SH3RF2: variants seen among roughly 807,000 people sequenced by gnomAD.
The protein encoded by SH3RF2 is SH3 domain containing ring finger 2.
In SH3RF2, 43 loss-of-function variants were observed where a neutral mutation model predicts 59.0. The ratio of observed to expected loss-of-function variants is 0.73; its 90% confidence interval spans 0.57 to 0.94. The LOEUF (loss-of-function observed/expected upper bound fraction) is 0.94, where lower values mean the gene tolerates loss of function less well. Ranked by LOEUF, SH3RF2 falls within the 40% of genes least tolerant of loss-of-function variation. The pLI, the probability that SH3RF2 is intolerant of heterozygous loss-of-function variation, is 0.00. For missense variants in SH3RF2, 930 were observed against 940.1 expected (o/e 0.99, Z 0.14); for synonymous variants, 391 against 391.5 (o/e 1.00, Z 0.01).
At chr5:146,059,045 A>G (rs952762306) in intron 8 of SH3RF2, among the ~76,000 whole-genome samples, 1 of 152,202 alleles carries the variant, frequency 6.6e-6, no homozygotes, top group African/African-American at 2.4e-5. Context: ...CACACCAAAT[A>G]GAATGCAATC....
At chr5:146,021,153 AT>A (rs140222124) in intron 5 of SH3RF2, among the ~76,000 whole-genome samples, 3,597 of 151,628 alleles carry the variant, frequency 0.024, 164 homozygotes, top group African/African-American at 0.084. Flanking sequence ...ACTAATATAT[AT>A]ATTTTTTCCT....
At chr5:145,971,866 GTGATAATGA>G (rs2149962334) in intron 2 of SH3RF2, among the ~76,000 whole-genome samples, 1 of 146,530 alleles carries the variant, frequency 6.8e-6, no homozygotes, top group African/African-American at 2.7e-5. Context: ...AGAAATAATA[GTGATAATGA>G]TGATGATGAT....
Position 146,062,145 on chromosome 5 carries a change from C to T in SH3RF2, c.1915-281C>T, listed in dbSNP as rs553104438. On this transcript the variant is annotated intron_variant, in intron 9 of 9. Coordinates refer to ENST00000359120, the MANE Select transcript of SH3RF2 (RefSeq NM_152550.4). Reference sequence around the variant, plus strand: ...TGCCTCAGGCTGTTTTTATAGGCGGCGGCCTACCCTATTTCTCCCAGATAA... The same window carrying T: ...TGCCTCAGGCTGTTTTTATAGGCGGTGGCCTACCCTATTTCTCCCAGATAA... Among the ~76,000 whole-genome samples the T allele has an allele frequency of 1.1e-4, 17 of 152,216 alleles. 1 individual carries two copies. The South Asian group carries it at 2.5e-3, about 22-fold the overall frequency.
intron 2 of SH3RF2, among the ~76,000 whole-genome samples, chr5:145,962,572 T>TC (rs1481049179): frequency 6.6e-6 from 1 of 152,172 alleles, no homozygotes; most frequent in African/African-American, 2.4e-5. Context: ...TCTGATTCTG[T>TC]CCCCCTCTTC....
At chr5:146,059,498 A>C in intron 8 of SH3RF2, among the ~76,000 whole-genome samples, 1 of 149,818 alleles carries the variant, frequency 6.7e-6, no homozygotes, top group African/African-American at 2.5e-5. Flanking sequence ...TGTGTTTCCT[A>C]TTTGGTCTGA....
Position 146,049,230 on chromosome 5 carries a change from T to C in SH3RF2, c.1307T>C (p.Val436Ala). 1.2e-6 allele frequency: 2 copies of C among 1,610,598 alleles called. No homozygotes were observed. The highest frequency in any genetic ancestry group is 1.7e-6 in the Non-Finnish European group (2 of 1,177,862). Residue 436 changes from valine (V) to alanine (A), a missense_variant, in exon 7 of 10, where the codon GTC (valine) becomes GCC (alanine). Physicochemically the swap from Val to Ala is moderately conservative, Grantham distance 64. Coordinates refer to ENST00000359120, the MANE Select transcript of SH3RF2 (RefSeq NM_152550.4). ...GRVGIFPNNY[V>A]IPIFRKTSSF... ...GTCGGCATCTTCCCAAACAATTACG[T>C]CATCCCCATTTTCAGGTGTGTCGCC...
intron 9 of SH3RF2, among the ~76,000 whole-genome samples, chr5:146,061,678 A>G (rs1762899086): frequency 6.6e-6 from 1 of 152,176 alleles, no homozygotes; most frequent in Non-Finnish European, 1.5e-5. Flanking sequence ...CAGATATATA[A>G]CAGGCTAGGA....
At chr5:146,011,655 G>A (rs1485201767) in intron 4 of SH3RF2, among the ~76,000 whole-genome samples, 1 of 152,126 alleles carries the variant, frequency 6.6e-6, no homozygotes, top group Non-Finnish European at 1.5e-5. Flanking sequence ...GTGAATGGGA[G>A]TTCGCTCATG....
intron 5 of SH3RF2, among the ~76,000 whole-genome samples, chr5:146,028,152 A>G (rs1026338141): frequency 7.1e-6 from 1 of 141,156 alleles, no homozygotes; most frequent in Non-Finnish European, 1.5e-5. Flanking sequence ...TCCAAGGCCA[A>G]TGAGGCCTGC....
chr5:146,041,657 G>A (rs1276660239), intron 5 of SH3RF2, among the ~76,000 whole-genome samples: 3 of 152,180 alleles, frequency 2.0e-5, no homozygotes, highest in African/African-American at 4.8e-5. Context: ...CCTAGGCCAG[G>A]CGCAGTGGCT....
rs1283918792 is a variant in SH3RF2 at position 145,947,041 on chromosome 5, T to C, written c.378+8735T>C. 2.0e-5 allele frequency among the ~76,000 whole-genome samples: 3 copies of C among 152,128 alleles called. No individual in the cohort carries two copies. In the East Asian group the frequency reaches 5.8e-4, roughly 29 times the overall value. On this transcript the variant is annotated intron_variant, in intron 2 of 9. Transcript: ENST00000359120. ...AAGTGTTCAGTTCAGCAGCATTAAGTACATTGATCTTGTTATGCAAGTGTC... is the reference window on the plus strand; with the variant it reads ...AAGTGTTCAGTTCAGCAGCATTAAGCACATTGATCTTGTTATGCAAGTGTC...
chr5:146,019,999 C>T, intron 5 of SH3RF2, among the ~76,000 whole-genome samples: 1 of 152,046 alleles, frequency 6.6e-6, no homozygotes, highest in East Asian at 1.9e-4. Context: ...ATCTAGGAGT[C>T]TTTTGGAGGA....
At position 146,060,014 on chromosome 5, in the gene SH3RF2, G is replaced by A; in HGVS notation, c.1704G>A (p.Val568=). 1 of 1,604,458 alleles carries A rather than the reference G, an allele frequency of 6.2e-7. No homozygotes were observed. The highest frequency in any genetic ancestry group is 8.5e-7 in the Non-Finnish European group (1 of 1,174,818). Residue 568 remains valine (V), a synonymous_variant, in exon 9 of 10, where the codon GTG becomes GTA. Coordinates refer to ENST00000359120, the MANE Select transcript of SH3RF2 (RefSeq NM_152550.4). The part of the protein sequence containing the change: ...GIPSSPSAVV[V]EMGSKPALTG... ...CCTCCTCCCCCTCAGCCGTGGTGGTGGAGATGGGGTCCAAGCCTGCCCTCA... is the reference window on the plus strand; with the variant it reads ...CCTCCTCCCCCTCAGCCGTGGTGGTAGAGATGGGGTCCAAGCCTGCCCTCA...
intron 7 of SH3RF2, among the ~76,000 whole-genome samples, chr5:146,053,860 A>T (rs923051560): frequency 6.6e-6 from 1 of 152,174 alleles, no homozygotes; most frequent in Non-Finnish European, 1.5e-5. Flanking sequence ...AATTGTCAAG[A>T]TCCAACTGTT....
At chr5:145,956,877 TCAAA>T (rs1163026348) in intron 2 of SH3RF2, among the ~76,000 whole-genome samples, 2 of 152,218 alleles carry the variant, frequency 1.3e-5, no homozygotes, top group African/African-American at 4.8e-5. Flanking sequence ...ATATCTGCTC[TCAAA>T]CAAAAGATTG....
At chr5:145,986,785 T>G (rs1463082324) in intron 2 of SH3RF2, among the ~76,000 whole-genome samples, 1 of 152,118 alleles carries the variant, frequency 6.6e-6, no homozygotes. Context: ...CAAAGAAATC[T>G]CAGGGAAATG....
chr5:146,061,157 A>T (rs1196071801), intron 9 of SH3RF2, among the ~76,000 whole-genome samples: 3 of 152,202 alleles, frequency 2.0e-5, no homozygotes, highest in Non-Finnish European at 4.4e-5. Context: ...CATGTGTCCC[A>T]TATATTTAAT....
chr5:146,057,823 G>A (rs1762721964), intron 8 of SH3RF2, among the ~76,000 whole-genome samples: 2 of 152,062 alleles, frequency 1.3e-5, no homozygotes, highest in African/African-American at 4.8e-5. Flanking sequence ...CTTGCCTGTG[G>A]TCTCAGCTAC....
intron 2 of SH3RF2, among the ~76,000 whole-genome samples, chr5:145,938,579 GATTAT>G (rs1264886545): frequency 6.6e-6 from 1 of 152,174 alleles, no homozygotes; most frequent in Non-Finnish European, 1.5e-5. Flanking sequence ...AAGCCTTTTA[GATTAT>G]ATTTTTGGTG....
Sources: gnomAD v4.1 joint callset for allele counts (sites outside exome capture counted in the v4.1 genomes callset) on GRCh38, gnomAD v4.1.1 for gene constraint, MANE v1.5 for transcripts, NCBI Gene and HGNC (gene_info 2026-07-23, HGNC 2026-07-21) for gene names.